COP1: variants seen among roughly 807,000 people sequenced by gnomAD.
The protein encoded by COP1 is COP1 E3 ubiquitin ligase.
COP1 carries 24 observed loss-of-function variants against 101.3 expected under a neutral mutation model. The observed-to-expected ratio is 0.24, with a 90% CI of 0.17 to 0.33. The LOEUF (loss-of-function observed/expected upper bound fraction) is 0.33, where lower values mean the gene tolerates loss of function less well. COP1 is among the 10% of genes least tolerant of loss of function. The probability of loss-of-function intolerance (pLI) is 1.00; values close to 1 mark genes in which losing one functional copy is unlikely to be tolerated. For synonymous variants in COP1, 347 were observed against 341.9 expected (o/e 1.01, Z -0.17); for missense variants, 663 against 906.2 (o/e 0.73, Z 3.45).
chr1:175,947,338 CCTAAGACAATTGAAT>C, intron 18 of COP1, 99 bp from the exon 19 acceptor site: 1 of 817,708 alleles, frequency 1.2e-6, no homozygotes, highest in South Asian at 1.5e-5. Context: ...CACTTCAATT[CCTAAGACAATTGAAT>C]CTAATATGAA....
intron 1 of COP1, among the ~76,000 whole-genome samples, chr1:176,198,114 A>G (rs1699893498): frequency 1.3e-5 from 2 of 152,158 alleles, no homozygotes; most frequent in Admixed American, 1.3e-4. Flanking sequence ...TTAAAATCCT[A>G]CATCCTTTTT....
At chr1:176,169,448 A>C (rs1695701245) in intron 3 of COP1, among the ~76,000 whole-genome samples, 1 of 152,190 alleles carries the variant, frequency 6.6e-6, no homozygotes, top group Non-Finnish European at 1.5e-5. Context: ...TAATTTCTAT[A>C]TACAAAGCGT....
intron 3 of COP1, among the ~76,000 whole-genome samples, chr1:176,173,694 G>A (rs1016405751): frequency 4.0e-5 from 6 of 150,828 alleles, no homozygotes; most frequent in African/African-American, 1.5e-4. Flanking sequence ...ACATATATTT[G>A]AGAATATCTA....
intron 15 of COP1, among the ~76,000 whole-genome samples, chr1:175,994,594 C>G (rs542300098): frequency 6.8e-4 from 104 of 152,242 alleles, no homozygotes; most frequent in Non-Finnish European, 1.8e-4. Context: ...GGGTTGCAAT[C>G]CTAGTCTCTG....
chr1:176,139,429 G>A (rs1187470001), intron 6 of COP1, among the ~76,000 whole-genome samples: 2 of 152,088 alleles, frequency 1.3e-5, no homozygotes, highest in East Asian at 3.9e-4. Context: ...TATTAAAAGA[G>A]AACTACTATT....
At chr1:176,185,147 T>C (rs1354566043) in intron 1 of COP1, among the ~76,000 whole-genome samples, 1 of 152,168 alleles carries the variant, frequency 6.6e-6, no homozygotes, top group Non-Finnish European at 1.5e-5. Context: ...CGACAATGCT[T>C]GTAGGTAATG....
In COP1 at chr1:175,994,481, T is replaced by C. The variant is rs1489641618; in HGVS notation, c.1730-5002A>G. ...GATAAAGAGTCAAGACCCATCAGTG[T>C]GCTGTATTCAGGAAACCCGTCTCAC... On this transcript the variant is annotated intron_variant, in intron 15 of 19. Transcript: ENST00000367669. Among the ~76,000 whole-genome samples the C allele has an allele frequency of 2.0e-5, 3 of 152,166 alleles. No homozygotes were observed. In the East Asian group the frequency reaches 5.8e-4, roughly 29 times the overall value.
intron 15 of COP1, among the ~76,000 whole-genome samples, chr1:176,012,541 A>C (rs1184833837): frequency 6.6e-6 from 1 of 152,238 alleles, no homozygotes; most frequent in East Asian, 1.9e-4. Flanking sequence ...TTAACAAATA[A>C]ATTTAGTATA....
chr1:176,087,747 A>G (rs997455651), intron 9 of COP1, among the ~76,000 whole-genome samples: 7 of 152,214 alleles, frequency 4.6e-5, no homozygotes, highest in African/African-American at 1.7e-4. Flanking sequence ...CAGCCACCCC[A>G]TTACGGGTTA....
Position 176,162,908 on chromosome 1 carries a change from C to T in COP1, c.723G>A (p.Met241Ile), listed in dbSNP as rs762757812. The stretch of plus-strand genomic sequence containing the variant: ...TCTTCTTCTGCACTAGTAACTCCAA[C>T]ATAAGATTGACATTGGCCAAATCAA... ...DNLDLANVNL[M>I]LELLVQKKKQ... is the part of the protein sequence containing the mutation. The change falls in exon 5 of 20, where the codon ATG (methionine) becomes ATA (isoleucine). Residue 241 changes from methionine to isoleucine, a missense_variant. Transcript: ENST00000367669. The T allele has an allele frequency of 6.2e-7, 1 of 1,609,462 alleles. No homozygotes were observed. Among genetic ancestry groups the T allele is most frequent in the Non-Finnish European group, 8.5e-7 (1 of 1,177,862 alleles).
At chr1:176,149,269 T>TA (rs1692051611) in intron 5 of COP1, among the ~76,000 whole-genome samples, 195 bp from the exon 6 acceptor site, 1 of 152,080 alleles carries the variant, frequency 6.6e-6, no homozygotes, top group Non-Finnish European at 1.5e-5. Context: ...TAAAACTAAC[T>TA]AAAACTAAGA....
intron 15 of COP1, among the ~76,000 whole-genome samples, chr1:175,992,585 G>C (rs965797023): frequency 3.9e-5 from 6 of 152,230 alleles, no homozygotes; most frequent in Non-Finnish European, 8.8e-5. Context: ...TGGCGGACCA[G>C]GAGATTATAT....
intron 8 of COP1, among the ~76,000 whole-genome samples, chr1:176,130,094 A>C (rs1688650909): frequency 6.6e-6 from 1 of 151,722 alleles, no homozygotes; most frequent in Admixed American, 6.6e-5. Flanking sequence ...CGCTCTCAAA[A>C]ATTCAGAGAT....
intron 14 of COP1, among the ~76,000 whole-genome samples, chr1:176,035,710 C>CAAAAAAAAAAAAAAAAAAAAAAGAAAAA (rs71129541): frequency 1.4e-5 from 1 of 73,102 alleles, no homozygotes; most frequent in Non-Finnish European, 2.5e-5. Flanking sequence ...AAAACGAGAC[C>CAAAAAAAAAAAAAAAAAAAAAAGAAAAA]AAAAAAAAAA....
intron 15 of COP1, among the ~76,000 whole-genome samples, chr1:175,998,409 T>C (rs1326939268): frequency 6.6e-6 from 1 of 151,218 alleles, no homozygotes; most frequent in Non-Finnish European, 1.5e-5. Context: ...CATGTATACA[T>C]ATGTAACTAA....
chr1:176,117,103 G>A (rs2149601718), intron 8 of COP1, among the ~76,000 whole-genome samples: 1 of 152,174 alleles, frequency 6.6e-6, no homozygotes, highest in South Asian at 2.1e-4. Context: ...ATGTGTTCTT[G>A]GACAATTAAC....
At chr1:176,065,824 G>A (rs964847589) in intron 11 of COP1, among the ~76,000 whole-genome samples, 1 of 150,506 alleles carries the variant, frequency 6.6e-6, no homozygotes, top group Non-Finnish European at 1.5e-5. Context: ...TCTCCTGCCT[G>A]AGCCTCCTGA....
chr1:176,058,144 G>GGT (rs1387820044), intron 11 of COP1, among the ~76,000 whole-genome samples: 1 of 137,806 alleles, frequency 7.3e-6, no homozygotes, highest in Non-Finnish European at 1.6e-5. Context: ...GTGGGGGGGG[G>GGT]GTCAGCCCCC....
intron 18 of COP1, among the ~76,000 whole-genome samples, chr1:175,954,242 T>C (rs928575418): frequency 6.6e-6 from 1 of 152,238 alleles, no homozygotes; most frequent in East Asian, 1.9e-4. Flanking sequence ...ATAATAAAAA[T>C]GCAACATATC....
Sources: allele counts gnomAD v4.1 joint callset (sites outside exome capture counted in the v4.1 genomes callset), GRCh38; gene constraint gnomAD v4.1.1; transcripts MANE v1.5; gene names NCBI Gene and HGNC (gene_info 2026-07-23, HGNC 2026-07-21).